Variants in VWA5A observed in about 807,000 individuals in gnomAD.
The protein encoded by VWA5A is von Willebrand factor A domain-containing protein 5A.
In VWA5A, 77 loss-of-function variants were observed where a neutral mutation model predicts 84.6. The observed-to-expected ratio is 0.91, with a 90% CI of 0.76 to 1.10. The LOEUF (loss-of-function observed/expected upper bound fraction) is 1.10. VWA5A is among the 50% of genes least tolerant of loss of function. The probability of loss-of-function intolerance (pLI) is 0.00; values close to 1 mark genes in which losing one functional copy is unlikely to be tolerated. For missense variants in VWA5A, 973 were observed against 963.0 expected, an observed-to-expected ratio of 1.01 and a Z score of -0.14; for synonymous variants, 334 against 350.1, an observed-to-expected ratio of 0.95 and a Z score of 0.51.
chr11:124,135,522 CTTTTTT>C (rs60188800), intron 12 of VWA5A, among the ~76,000 whole-genome samples: 15 of 84,344 alleles, frequency 1.8e-4, no homozygotes, highest in African/African-American at 3.3e-4. Flanking sequence ...GGTGGTATTT[CTTTTTT>C]TTTTTTTTTT....
intron 17 of VWA5A, among the ~76,000 whole-genome samples, chr11:124,143,098 A>G (rs1939862): frequency 2.0e-5 from 3 of 152,234 alleles, no homozygotes; most frequent in African/African-American, 7.2e-5. Context: ...AGAACCCCCA[A>G]TAATAACCTC....
chr11:124,127,220 T>A (rs186474166), intron 11 of VWA5A, among the ~76,000 whole-genome samples: 50 of 149,682 alleles, frequency 3.3e-4, no homozygotes, highest in African/African-American at 1.0e-3. Flanking sequence ...TATGTGTCCA[T>A]GTGTTCTCAT....
intron 11 of VWA5A, chr11:124,124,621 A>G: frequency 9.7e-7 from 1 of 1,032,864 alleles, no homozygotes. Context: ...GCTGAAAACT[A>G]CACAAATTAT....
rs142833218 is a variant in VWA5A at position 124,141,840 on chromosome 11, A to G, written c.2023+99A>G. 198 of 1,472,084 alleles carry G rather than the reference A, an allele frequency of 1.3e-4. No homozygotes were observed. The African/African-American group carries it at 2.4e-3, about 18-fold the overall frequency. The allele number at this position is 1,472,084 out of a possible 1,614,324, so 91.2% of individuals were successfully genotyped here. ...CTTGTAGTTACAGCTATGACAAGAG[A>G]TGCATGTTTCTCGAAGGGACCCCCC... On this transcript the variant is annotated intron_variant, in intron 16 of 18. Coordinates refer to ENST00000456829, the MANE Select transcript of VWA5A (RefSeq NM_001130142.2).
At chr11:124,125,218 T>C (rs1288652697) in intron 11 of VWA5A, among the ~76,000 whole-genome samples, 2 of 152,184 alleles carry the variant, frequency 1.3e-5, no homozygotes, top group Admixed American at 1.3e-4. Context: ...CCTAATTTCC[T>C]ATCCAAAACA....
rs200344737 is a variant in VWA5A at position 124,117,884 on chromosome 11, G to A, written c.246+9G>A. Reference sequence around the variant, plus strand: ...TACAAGACAAGATGAAGGTAGTAGAGATTACCTCCTCCCTTCTTATTACAT... The same window carrying A: ...TACAAGACAAGATGAAGGTAGTAGAAATTACCTCCTCCCTTCTTATTACAT... On this transcript the variant is annotated intron_variant, in intron 4 of 18. Transcript: ENST00000456829. 6.2e-7 allele frequency: 1 copy of A among 1,613,724 alleles called. No individual in the cohort carries two copies. The highest frequency in any genetic ancestry group is 8.5e-7 in the Non-Finnish European group (1 of 1,179,708).
intron 12 of VWA5A, among the ~76,000 whole-genome samples, chr11:124,135,504 A>C (rs1355003616): frequency 8.7e-5 from 12 of 138,682 alleles, no homozygotes; most frequent in East Asian, 2.1e-4. Flanking sequence ...AAAGGAGAAG[A>C]CCCCTCTGGT....
In VWA5A at chr11:124,122,124, A is replaced by G. The variant is rs113191586; in HGVS notation, c.761-836A>G. Among the ~76,000 whole-genome samples, 78 of 152,364 alleles carry G rather than the reference A, an allele frequency of 5.1e-4. 1 individual carries two copies. The highest frequency in any genetic ancestry group is 1.9e-3 in the Admixed American group (29 of 15,306). The stretch of plus-strand genomic sequence containing the variant: ...CCAGGACTACTGAGAATATAAATCT[A>G]TGATCCTGGAACTGCTTCTTAAAAA... On this transcript the variant is annotated intron_variant, in intron 7 of 18. Transcript: ENST00000456829.
At position 124,141,733 on chromosome 11, in the gene VWA5A, A is replaced by G. The variant is rs749707036; in HGVS notation, c.2015A>G (p.His672Arg). ...LCGLISHKDQ[H>R]SPGFGENHLV... Reference sequence around the variant, plus strand: ...GGGTTGATAAGTCACAAGGACCAGCACAGTCCAGGTGAGTACCTTTATAGG... The same window carrying G: ...GGGTTGATAAGTCACAAGGACCAGCGCAGTCCAGGTGAGTACCTTTATAGG... The change falls in exon 16 of 19, where the codon CAC (histidine) becomes CGC (arginine). Residue 672 changes from histidine (H) to arginine (R), a missense_variant. Coordinates refer to ENST00000456829, the MANE Select transcript of VWA5A (RefSeq NM_001130142.2). The G allele has an allele frequency of 6.2e-7, 1 of 1,614,182 alleles. No individual in the cohort carries two copies. Among genetic ancestry groups the G allele is most frequent in the Non-Finnish European group, 8.5e-7 (1 of 1,180,024 alleles).
intron 11 of VWA5A, among the ~76,000 whole-genome samples, chr11:124,128,095 T>C (rs1865046569): frequency 6.6e-6 from 1 of 152,258 alleles, no homozygotes; most frequent in Non-Finnish European, 1.5e-5. Flanking sequence ...CCCATGCCTA[T>C]GTCCTGAATG....
At chr11:124,117,599 C>T (rs1178910344) in intron 3 of VWA5A, 45 bp downstream of exon 3, 1 of 1,613,810 alleles carries the variant, frequency 6.2e-7, no homozygotes, top group African/African-American at 1.3e-5. Flanking sequence ...ATCTTTGGCA[C>T]CTATCACAAG....
chr11:124,118,672 T>C lies in VWA5A; in HGVS notation c.609T>C (p.Pro203=). 1 of 1,614,086 alleles carries C rather than the reference T, an allele frequency of 6.2e-7. No homozygotes were observed. The highest frequency in any genetic ancestry group is 8.5e-7 in the Non-Finnish European group (1 of 1,179,998). The change falls in exon 6 of 19, where the codon CCT becomes CCC. Residue 203 remains proline (P), a synonymous_variant. Transcript: ENST00000456829. The part of the protein sequence containing the change: ...EKVQSNCPLS[P]TEYLGEDKTS... ...TCCAATCCAACTGCCCCTTGAGTCCTACCGAGTACCTAGGAGAGGACAAGA... is the reference window on the plus strand; with the variant it reads ...TCCAATCCAACTGCCCCTTGAGTCCCACCGAGTACCTAGGAGAGGACAAGA...
At chr11:124,142,380 A>G in intron 16 of VWA5A, 62 bp from the exon 17 acceptor site, 2 of 1,582,548 alleles carry the variant, frequency 1.3e-6, no homozygotes, top group East Asian at 2.2e-5. Flanking sequence ...CCTAAATTCA[A>G]GTGTGCTGAG....
intron 7 of VWA5A, among the ~76,000 whole-genome samples, chr11:124,121,937 G>A (rs540988532): frequency 4.3e-4 from 66 of 152,270 alleles, no homozygotes; most frequent in African/African-American, 1.4e-3. Context: ...CTCCTCCATC[G>A]TATATCCAGA....
chr11:124,128,090 GC>G (rs1237677124), intron 11 of VWA5A, among the ~76,000 whole-genome samples: 8 of 152,122 alleles, frequency 5.3e-5, no homozygotes, highest in Non-Finnish European at 1.0e-4. Flanking sequence ...ATTTGCCCAT[GC>G]CTATGTCCTG....
intron 8 of VWA5A, 49 bp downstream of exon 8, chr11:124,123,178 G>T: frequency 6.3e-7 from 1 of 1,581,056 alleles, no homozygotes; most frequent in South Asian, 1.2e-5. Flanking sequence ...AAGTGAGGAT[G>T]AATCTGAGGG....
chr11:124,137,490 A>G (rs1188068672), intron 15 of VWA5A, among the ~76,000 whole-genome samples: 1 of 152,234 alleles, frequency 6.6e-6, no homozygotes, highest in Non-Finnish European at 1.5e-5. Flanking sequence ...AAAACAAAAA[A>G]CAAACATTAA....
In VWA5A at chr11:124,147,688, T is replaced by A. The variant is rs190361839; in HGVS notation, c.*1743T>A. On this transcript the variant is annotated 3_prime_UTR_variant, in exon 19 of 19. Coordinates refer to ENST00000456829, the MANE Select transcript of VWA5A (RefSeq NM_001130142.2). ...AGTTTGAAAAGTAAAGGCTTAATAT[T>A]TTCATGAAATAGGCTTATATCCAAG... The A allele has an allele frequency of 6.6e-6, 1 of 152,336 alleles. No homozygotes were observed. The highest frequency in any genetic ancestry group is 2.4e-5 in the African/African-American group (1 of 41,576). The allele number at this position is 152,336 out of a possible 1,614,324, so 9.4% of individuals were successfully genotyped here. A position where few individuals can be genotyped will look rare whatever the true frequency, so the allele number is the denominator to read the frequency against.
intron 11 of VWA5A, among the ~76,000 whole-genome samples, chr11:124,125,110 C>T (rs1418860090): frequency 2.0e-5 from 3 of 152,122 alleles, no homozygotes; most frequent in Non-Finnish European, 4.4e-5. Context: ...AGATTTTTCT[C>T]TGAGTAGACA....
Sources: gnomAD v4.1 joint callset for allele counts (sites outside exome capture counted in the v4.1 genomes callset) on GRCh38, gnomAD v4.1.1 for gene constraint, MANE v1.5 for transcripts, NCBI Gene and HGNC (gene_info 2026-07-23, HGNC 2026-07-21) for gene names.